KCNH7: variants seen among roughly 807,000 people sequenced by gnomAD.
The protein encoded by KCNH7 is voltage-gated inwardly rectifying potassium channel KCNH7.
KCNH7 carries 49 observed loss-of-function variants against 120.8 expected under a neutral mutation model. That is an observed-to-expected ratio of 0.41 (90% CI 0.32 to 0.51). The LOEUF is 0.51. Among genes scored for constraint, KCNH7 ranks in the 20% least tolerant of loss-of-function variants. KCNH7 has a pLI of 0.38. For missense variants in KCNH7, 1,097 were observed against 1,446.6 expected (o/e 0.76, Z 3.92); for synonymous variants, 547 against 516.1 (o/e 1.06, Z -0.81).
chr2:162,789,301 T>C (rs1388392791), intron 2 of KCNH7, among the ~76,000 whole-genome samples: 3 of 152,036 alleles, frequency 2.0e-5, no homozygotes, highest in Admixed American at 6.6e-5. Context: ...AAAATTAATA[T>C]GGCCATCATC....
At chr2:162,400,877 C>A (rs576684993) in intron 9 of KCNH7, among the ~76,000 whole-genome samples, 156 of 151,910 alleles carry the variant, frequency 1.0e-3, no homozygotes, top group Admixed American at 3.0e-3. Flanking sequence ...TGGTATACAT[C>A]TAAGTTATAA....
chr2:162,504,622 A>G lies in KCNH7; in HGVS notation c.949T>C (p.Ser317Pro). Reference sequence around the variant, plus strand: ...TTGTTGAGGTTTGAATCTGATGTGGATCCCAGGAGGCTTGACTTGATATGA... The same window carrying G: ...TTGTTGAGGTTTGAATCTGATGTGGGTCCCAGGAGGCTTGACTTGATATGA... ...FNHIKSSLLG[S>P]TSDSNLNKYS... Residue 317 changes from serine to proline, a missense_variant, in exon 6 of 16, where the codon TCC becomes CCC. By Grantham distance (74) the Ser-to-Pro change is moderately conservative (BLOSUM62 -1). Around this residue, in one of 8 missense-constraint regions of KCNH7, gnomAD observed 362 missense variants for 372.2 expected, o/e 0.97. Coordinates refer to ENST00000332142, the MANE Select transcript of KCNH7 (RefSeq NM_033272.4). 3 of 1,612,568 alleles carry G rather than the reference A, an allele frequency of 1.9e-6. No homozygotes were observed.
intron 2 of KCNH7, among the ~76,000 whole-genome samples, chr2:162,798,498 C>T (rs1573900443): frequency 6.6e-6 from 1 of 151,970 alleles, no homozygotes; most frequent in Non-Finnish European, 1.5e-5. Flanking sequence ...CTTGAACAAA[C>T]TTCTAGGATT....
chr2:162,692,194 C>T (rs928594001), intron 2 of KCNH7, among the ~76,000 whole-genome samples: 15 of 148,794 alleles, frequency 1.0e-4, no homozygotes, highest in Non-Finnish European at 1.5e-4. Flanking sequence ...AGTGTGATCT[C>T]GGCTCACTGC....
intron 2 of KCNH7, among the ~76,000 whole-genome samples, chr2:162,663,003 G>C (rs535252301): frequency 2.6e-5 from 4 of 152,156 alleles, no homozygotes; most frequent in Admixed American, 2.6e-4. Flanking sequence ...TTATTTAATA[G>C]GTGAGAATAG....
At chr2:162,698,142 C>G (rs1176541727) in intron 2 of KCNH7, among the ~76,000 whole-genome samples, 2 of 152,086 alleles carry the variant, frequency 1.3e-5, no homozygotes, top group Non-Finnish European at 2.9e-5. Flanking sequence ...TGCTATTCTC[C>G]TGTTTTTAAC....
chr2:162,472,693 G>A (rs1000916234), intron 6 of KCNH7, among the ~76,000 whole-genome samples: 2 of 152,152 alleles, frequency 1.3e-5, no homozygotes, highest in African/African-American at 4.8e-5. Context: ...ATTCCTCAGG[G>A]ATCTAGAACT....
At chr2:162,756,197 A>G (rs1688784260) in intron 2 of KCNH7, among the ~76,000 whole-genome samples, 1 of 152,152 alleles carries the variant, frequency 6.6e-6, no homozygotes, top group Non-Finnish European at 1.5e-5. Context: ...GAAGTAAATC[A>G]ATATTTTAAT....
At chr2:162,440,113 T>G (rs929454448) in intron 7 of KCNH7, among the ~76,000 whole-genome samples, 3 of 151,686 alleles carry the variant, frequency 2.0e-5, no homozygotes, top group Non-Finnish European at 4.4e-5. Context: ...ATTAAAAAAT[T>G]TTTGAAAAAT....
intron 8 of KCNH7, among the ~76,000 whole-genome samples, chr2:162,429,381 G>GTTTTTTTTTTTTTTTTTT (rs1158431426): frequency 6.9e-5 from 3 of 43,422 alleles, no homozygotes; most frequent in African/African-American, 2.9e-4. Flanking sequence ...TGAGGAAAAA[G>GTTTTTTTTTTTTTTTTTT]TCTTTTTTTT....
intron 2 of KCNH7, among the ~76,000 whole-genome samples, chr2:162,768,699 A>C (rs73972005): frequency 6.6e-6 from 1 of 152,110 alleles, no homozygotes; most frequent in African/African-American, 2.4e-5. Flanking sequence ...CAGCCTTTTC[A>C]TAGGATTTAG....
intron 8 of KCNH7, among the ~76,000 whole-genome samples, chr2:162,424,499 CAT>C (rs1687798204): frequency 6.6e-6 from 1 of 152,128 alleles, no homozygotes; most frequent in African/African-American, 2.4e-5. Flanking sequence ...GATATGGTAA[CAT>C]ATGTTTAAAT....
At chr2:162,517,147 C>T (rs560031591) in intron 4 of KCNH7, among the ~76,000 whole-genome samples, 2 of 151,838 alleles carry the variant, frequency 1.3e-5, no homozygotes, top group African/African-American at 4.8e-5. Flanking sequence ...TTCAAAGAGG[C>T]CAGGGAGAAT....
intron 2 of KCNH7, among the ~76,000 whole-genome samples, chr2:162,636,400 C>T (rs1003619731): frequency 2.0e-5 from 3 of 152,114 alleles, no homozygotes; most frequent in African/African-American, 7.2e-5. Flanking sequence ...GAGCCAATGT[C>T]GTGTCGATTA....
intron 6 of KCNH7, among the ~76,000 whole-genome samples, chr2:162,453,221 T>C (rs1465701880): frequency 1.3e-5 from 2 of 152,170 alleles, no homozygotes; most frequent in Admixed American, 1.3e-4. Flanking sequence ...GTGTTTGGTT[T>C]TCTGTTCCTG....
chr2:162,393,571 C>T (rs75820130), intron 12 of KCNH7, among the ~76,000 whole-genome samples: 1,736 of 151,864 alleles, frequency 0.011, 29 homozygotes, highest in African/African-American at 0.04. Flanking sequence ...GTATTACAGA[C>T]GCAAAGAAAA....
intron 2 of KCNH7, among the ~76,000 whole-genome samples, chr2:162,558,400 T>G (rs1692934794): frequency 6.6e-6 from 1 of 151,810 alleles, no homozygotes; most frequent in East Asian, 1.9e-4. Flanking sequence ...GGTCTCGATC[T>G]CCTGACCTTG....
intron 12 of KCNH7, among the ~76,000 whole-genome samples, chr2:162,389,526 T>G (rs1489480106): frequency 6.6e-6 from 1 of 152,006 alleles, no homozygotes; most frequent in Non-Finnish European, 1.5e-5. Flanking sequence ...CAGATACTTC[T>G]GCAGAGTTCT....
intron 2 of KCNH7, among the ~76,000 whole-genome samples, chr2:162,564,278 T>G (rs933007088): frequency 9.8e-5 from 11 of 111,956 alleles, no homozygotes; most frequent in Non-Finnish European, 1.4e-4. Context: ...TCTGTCTGAT[T>G]TATAGATATG....
Sources: allele counts gnomAD v4.1 joint callset (sites outside exome capture counted in the v4.1 genomes callset), GRCh38; gene constraint gnomAD v4.1.1; regional missense constraint gnomAD v4.1.1; transcripts MANE v1.5; gene names NCBI Gene and HGNC (gene_info 2026-07-23, HGNC 2026-07-21).